The following LRRTM4 variants were observed in gnomAD, a reference collection of about 807,000 sequenced individuals.
LRRTM4 encodes the protein leucine rich repeat transmembrane neuronal 4.
LRRTM4 carries 25 observed loss-of-function variants against 47.6 expected under a neutral mutation model. The ratio of observed to expected loss-of-function variants is 0.53; its 90% confidence interval spans 0.38 to 0.73. The LOEUF is 0.73. Among genes scored for constraint, LRRTM4 ranks in the 30% least tolerant of loss-of-function variants. The pLI, the probability that LRRTM4 is intolerant of heterozygous loss-of-function variation, is 0.00. For missense variants in LRRTM4, 638 were observed against 713.4 expected (o/e 0.89, Z 1.20); for synonymous variants, 311 against 269.5 (o/e 1.15, Z -1.51).
intron 3 of LRRTM4, among the ~76,000 whole-genome samples, chr2:76,927,204 A>T (rs888299730): frequency 3.3e-5 from 5 of 152,066 alleles, no homozygotes; most frequent in Admixed American, 6.6e-5. Context: ...CCTGCATAGT[A>T]CCATCTTAGG....
chr2:77,029,714 GAA>G (rs1678584214), intron 3 of LRRTM4, among the ~76,000 whole-genome samples: 1 of 152,190 alleles, frequency 6.6e-6, no homozygotes, highest in African/African-American at 2.4e-5. Context: ...GCGAATTTCT[GAA>G]GAGAGGGAAT....
chr2:77,116,223 C>A (rs1671384972), intron 3 of LRRTM4, among the ~76,000 whole-genome samples: 1 of 149,304 alleles, frequency 6.7e-6, no homozygotes, highest in Non-Finnish European at 1.5e-5. Context: ...AATGAACAAC[C>A]AAAGGTGGTG....
chr2:76,794,399 T>C (rs1260918917), intron 3 of LRRTM4, among the ~76,000 whole-genome samples: 1 of 152,218 alleles, frequency 6.6e-6, no homozygotes, highest in African/African-American at 2.4e-5. Flanking sequence ...CCCTAAATAC[T>C]GCTATATGAC....
chr2:77,288,489 T>C (rs570971290), intron 3 of LRRTM4, among the ~76,000 whole-genome samples: 112 of 152,062 alleles, frequency 7.4e-4, no homozygotes, highest in African/African-American at 2.5e-3. Context: ...GTCAATATCA[T>C]CTTAGAAGAT....
intron 3 of LRRTM4, among the ~76,000 whole-genome samples, chr2:77,357,679 C>T (rs1439987624): frequency 1.3e-5 from 2 of 152,124 alleles, no homozygotes; most frequent in Non-Finnish European, 2.9e-5. Context: ...TTAACTAAAA[C>T]TTTTATAAAT....
At chr2:77,485,064 C>T (rs947157821) in intron 3 of LRRTM4, among the ~76,000 whole-genome samples, 1 of 152,024 alleles carries the variant, frequency 6.6e-6, no homozygotes, top group African/African-American at 2.4e-5. Flanking sequence ...TTATTTACAA[C>T]ATTTAGCATG....
chr2:77,247,207 T>A (rs1561525), intron 3 of LRRTM4, among the ~76,000 whole-genome samples: 82,522 of 151,288 alleles, frequency 0.55, 22,821 homozygotes, highest in African/African-American at 0.6. Context: ...AATACACCAG[T>A]CATCTTAATA....
chr2:76,845,780 G>C (rs2103950820), intron 3 of LRRTM4, among the ~76,000 whole-genome samples: 1 of 152,180 alleles, frequency 6.6e-6, no homozygotes, highest in East Asian at 1.9e-4. Flanking sequence ...GAAATGAGTA[G>C]GGCTTTGGTA....
chr2:77,433,705 G>C (rs1469706962), intron 3 of LRRTM4, among the ~76,000 whole-genome samples: 1 of 152,182 alleles, frequency 6.6e-6, no homozygotes, highest in East Asian at 1.9e-4. Flanking sequence ...CCAAAAAGAA[G>C]GATTTCTTGG....
chr2:76,972,372 G>C (rs1676248751), intron 3 of LRRTM4, among the ~76,000 whole-genome samples: 1 of 147,724 alleles, frequency 6.8e-6, no homozygotes, highest in African/African-American at 2.5e-5. Context: ...TCTCTGCCTT[G>C]TGTATATCAT....
At chr2:77,352,920 T>G (rs1410671976) in intron 3 of LRRTM4, among the ~76,000 whole-genome samples, 1 of 152,118 alleles carries the variant, frequency 6.6e-6, no homozygotes, top group African/African-American at 2.4e-5. Context: ...TATAATTAAT[T>G]TACATATTTG....
At chr2:76,981,185 T>C (rs1489319946) in intron 3 of LRRTM4, among the ~76,000 whole-genome samples, 1 of 152,154 alleles carries the variant, frequency 6.6e-6, no homozygotes, top group East Asian at 1.9e-4. Flanking sequence ...TTCATTGACT[T>C]TGTTTTAGCC....
At chr2:76,804,815 A>G (rs953388177) in intron 3 of LRRTM4, among the ~76,000 whole-genome samples, 1 of 150,802 alleles carries the variant, frequency 6.6e-6, no homozygotes, top group Non-Finnish European at 1.5e-5. Context: ...CAAATTATTA[A>G]ACAGACAAGC....
At chr2:77,356,011 T>C (rs1326929530) in intron 3 of LRRTM4, among the ~76,000 whole-genome samples, 1 of 152,172 alleles carries the variant, frequency 6.6e-6, no homozygotes, top group African/African-American at 2.4e-5. Context: ...GAGCATCACT[T>C]GAGCCCAGGA....
chr2:76,885,480 T>TC (rs1673045158), intron 3 of LRRTM4, among the ~76,000 whole-genome samples: 1 of 150,682 alleles, frequency 6.6e-6, no homozygotes, highest in African/African-American at 2.4e-5. Context: ...TTTTTTTTTT[T>TC]GAGACGAAGT....
intron 3 of LRRTM4, among the ~76,000 whole-genome samples, chr2:77,189,907 T>A (rs968132732): frequency 2.0e-5 from 3 of 152,140 alleles, no homozygotes; most frequent in Admixed American, 6.5e-5. Context: ...AATAAATGTA[T>A]AAATACTTTA....
At chr2:76,964,687 AT>A (rs1675966778) in intron 3 of LRRTM4, among the ~76,000 whole-genome samples, 1 of 150,846 alleles carries the variant, frequency 6.6e-6, no homozygotes, top group African/African-American at 2.4e-5. Flanking sequence ...AATTAAAAAA[AT>A]AAAAGCAATT....
rs569979548 is a variant in LRRTM4 at position 77,045,799 on chromosome 2, C to T, written c.1552-296883G>A. On this transcript the variant is annotated intron_variant, in intron 3 of 3. Transcript: ENST00000409884. The stretch of plus-strand genomic sequence containing the variant: ...TGCTCAGTCTTGGGTAAGTGTTTAT[C>T]AGCAGCATGAAAATGGACAAGCACA... Among the ~76,000 whole-genome samples, 8 of 151,940 alleles carry T rather than the reference C, an allele frequency of 5.3e-5. 2 individuals carry two copies. In the Middle Eastern group the frequency reaches 0.02, roughly 388 times the overall value.
At chr2:77,077,780 G>A (rs1680386507) in intron 3 of LRRTM4, among the ~76,000 whole-genome samples, 1 of 152,082 alleles carries the variant, frequency 6.6e-6, no homozygotes, top group Non-Finnish European at 1.5e-5. Flanking sequence ...TATATGTGTG[G>A]AACATACCCA....
Sources: gnomAD v4.1 joint callset for allele counts (sites outside exome capture counted in the v4.1 genomes callset) on GRCh38, gnomAD v4.1.1 for gene constraint, MANE v1.5 for transcripts, NCBI Gene and HGNC (gene_info 2026-07-23, HGNC 2026-07-21) for gene names.